Variants in ETFBKMT observed in about 807,000 individuals in gnomAD.
ETFBKMT encodes electron transfer flavoprotein subunit beta lysine methyltransferase.
Under a neutral mutation model 18.3 loss-of-function variants are expected in ETFBKMT, and 13 were observed. The observed-to-expected ratio is 0.71, with a 90% CI of 0.46 to 1.13. ETFBKMT has a LOEUF of 1.13. ETFBKMT is among the 50% of genes most tolerant of loss of function. The pLI, the probability that ETFBKMT is intolerant of heterozygous loss-of-function variation, is 0.00. For missense variants in ETFBKMT, 293 were observed against 306.2 expected (o/e 0.96, Z 0.32); for synonymous variants, 84 against 107.9 (o/e 0.78, Z 1.37).
Position 31,673,038 on chromosome 12 carries a change from G to C in ETFBKMT, c.*5048G>C, listed in dbSNP as rs374813780. 1 of 152,158 alleles carries C rather than the reference G, an allele frequency of 6.6e-6. No homozygotes were observed. Among genetic ancestry groups the C allele is most frequent in the Admixed American group, 6.5e-5 (1 of 15,268 alleles). 9.4% of individuals were successfully genotyped at this position (152,158 alleles called of 1,614,324 possible). A position where few individuals can be genotyped will look rare whatever the true frequency, so the allele number is the denominator to read the frequency against. On this transcript the variant is annotated 3_prime_UTR_variant, in exon 4 of 4. Transcript: ENST00000357721. ...TTTCAGTTTTTCACAATGTACAGTC[G>C]TGATTTTGATATGGTTTCCATCCTA... is the stretch of plus-strand genomic sequence containing the variant.
Position 31,661,840 on chromosome 12 carries a change from G to A in ETFBKMT, c.-113-1G>A. ...AGTATTACTTTTCTTTTTTTTTTCA[G>A]AGTCAGAGGTTCCGGTTGAGATCAA... On this transcript the variant is annotated splice_acceptor_variant, in intron 1 of 3. Transcript: ENST00000357721. LOFTEE classifies it low-confidence loss of function (5UTR_SPLICE). The A allele has an allele frequency of 1.1e-6, 1 of 873,034 alleles. No homozygotes were observed. The highest frequency in any genetic ancestry group is 1.7e-5 in the South Asian group (1 of 59,568). 54.1% of individuals were successfully genotyped at this position (873,034 alleles called of 1,614,324 possible).
chr12:31,655,973 A>G (rs921681448), upstream of ETFBKMT, among the ~76,000 whole-genome samples: 10 of 152,246 alleles, frequency 6.6e-5, no homozygotes, highest in Admixed American at 4.6e-4. Context: ...AGTCAAATAT[A>G]CCTCAATAAA....
At chr12:31,651,307 C>CTTTTTTTTTTTTTT (rs71062448) in intron 1 of ETFBKMT, among the ~76,000 whole-genome samples, 2 of 144,620 alleles carry the variant, frequency 1.4e-5, no homozygotes, top group African/African-American at 2.6e-5. Context: ...GATGCCTTCC[C>CTTTTTTTTTTTTTT]TTTTTTTTTT....
rs1402753330 is a variant in ETFBKMT at position 31,662,224 on chromosome 12, C to T, written c.271C>T (p.Pro91Ser). 4 of 1,614,230 alleles carry T rather than the reference C, an allele frequency of 2.5e-6. No homozygotes were observed. The highest frequency in any genetic ancestry group is 2.7e-5 in the African/African-American group (2 of 75,062). The change falls in exon 2 of 4, where the codon CCT becomes TCT. Residue 91 changes from proline (P) to serine (S), a missense_variant. By Grantham distance (74) the Pro-to-Ser change is moderately conservative. Transcript: ENST00000357721. ...ERADLWPHSD[P>S]YWAIYWPGGQ... is the part of the protein sequence containing the mutation. The stretch of plus-strand genomic sequence containing the variant: ...AGCTGACCTGTGGCCCCACAGTGAT[C>T]CTTACTGGGCAATCTACTGGCCAGG...
chr12:31,662,739 G>C (rs1565749806), intron 2 of ETFBKMT, among the ~76,000 whole-genome samples: 1 of 152,056 alleles, frequency 6.6e-6, no homozygotes. Flanking sequence ...CCTAGAGTCA[G>C]CTGTCAAGAC....
chr12:31,664,117 C>T (rs1276663594), intron 2 of ETFBKMT, among the ~76,000 whole-genome samples: 2 of 151,632 alleles, frequency 1.3e-5, no homozygotes, highest in Non-Finnish European at 2.9e-5. Flanking sequence ...CCCCTGACTT[C>T]CTCTGCCATT....
chr12:31,666,172 A>G lies in ETFBKMT; in HGVS notation c.400A>G (p.Lys134Glu), dbSNP rs746940834. ...ATGTGGAGCTACAGCTATTGCTGCT[A>G]AGATGAGTGGGGCATCAAGGATCTT... ...SGCGATAIAA[K>E]MSGASRILAN... Residue 134 changes from lysine (K) to glutamate (E), a missense_variant, in exon 3 of 4, where the codon AAG becomes GAG. Physicochemically the swap from Lys to Glu is moderately conservative, Grantham distance 56. Transcript: ENST00000357721. 3 of 1,614,166 alleles carry G rather than the reference A, an allele frequency of 1.9e-6. No homozygotes were observed. The highest frequency in any genetic ancestry group is 2.5e-6 in the Non-Finnish European group (3 of 1,180,006).
rs1286800225 is a variant in ETFBKMT at position 31,667,728 on chromosome 12, T to A, written c.527T>A (p.Leu176Ter). The A allele has an allele frequency of 7.4e-6, 12 of 1,614,174 alleles. No homozygotes were observed. The highest frequency in any genetic ancestry group is 9.3e-6 in the Non-Finnish European group (11 of 1,180,004). ...ATTTTAATCCAAAACATTTTGAATT[T>A]GGAACAAGATAAGTGGGACCTTGTT... ...FPILIQNILN[L>*]EQDKWDLVVL... is the part of the protein sequence containing the mutation. The change falls in exon 4 of 4, where the codon TTG becomes TAG. Residue 176 changes from leucine to a stop codon, truncating the protein, a stop_gained. Transcript: ENST00000357721. LOFTEE classifies it high-confidence loss of function.
At chr12:31,652,994 A>G (rs1482122533) in intron 1 of ETFBKMT, among the ~76,000 whole-genome samples, 1 of 152,230 alleles carries the variant, frequency 6.6e-6, no homozygotes, top group Non-Finnish European at 1.5e-5. Context: ...GGATTGCCTG[A>G]GCTCAGGAGT....
chr12:31,664,234 G>A (rs936418222), intron 2 of ETFBKMT, among the ~76,000 whole-genome samples: 2 of 151,700 alleles, frequency 1.3e-5, no homozygotes, highest in African/African-American at 4.8e-5. Context: ...CGCTTGTTTG[G>A]TAACTATTTA....
At position 31,661,981 on chromosome 12, in the gene ETFBKMT, C is replaced by T; in HGVS notation, c.28C>T (p.His10Tyr). 6.2e-7 allele frequency: 1 copy of T among 1,614,094 alleles called. No homozygotes were observed. The highest frequency in any genetic ancestry group is 2.2e-5 in the East Asian group (1 of 44,888). ...GGCTTTGAGTCTAGGTTGGAAAGCACACAGGAACCACTGTGGTCTCCTCTT... is the reference window on the plus strand; with the variant it reads ...GGCTTTGAGTCTAGGTTGGAAAGCATACAGGAACCACTGTGGTCTCCTCTT... MALSLGWKA[H>Y]RNHCGLLLQA... The change falls in exon 2 of 4, where the codon CAC (histidine) becomes TAC (tyrosine). Residue 10 changes from histidine to tyrosine, a missense_variant. By Grantham distance (83) the His-to-Tyr change is moderately conservative. Coordinates refer to ENST00000357721, the MANE Select transcript of ETFBKMT (RefSeq NM_001135863.2).
rs752036729 is a variant in ETFBKMT at position 31,666,092 on chromosome 12, T to C, written c.320T>C (p.Leu107Pro). 3.1e-6 allele frequency: 5 copies of C among 1,611,018 alleles called. No homozygotes were observed. In the East Asian group the frequency reaches 6.7e-5, roughly 22 times the overall value. The change falls in exon 3 of 4, where the codon CTT (leucine) becomes CCT (proline). Residue 107 changes from leucine to proline, a missense_variant. Coordinates refer to ENST00000357721, the MANE Select transcript of ETFBKMT (RefSeq NM_001135863.2). Reference sequence around the variant, plus strand: ...GTTTCTCCTTTTTAATTTAGGTATCTTTTGGATAATCCTGATGTTGTCAGA... The same window carrying C: ...GTTTCTCCTTTTTAATTTAGGTATCCTTTGGATAATCCTGATGTTGTCAGA... Reference protein sequence around the residue: ...WPGGQALSRYLLDNPDVVRGK... With the variant: ...WPGGQALSRYPLDNPDVVRGK...
At chr12:31,662,310 T>G in intron 2 of ETFBKMT, 43 bp downstream of exon 2, 1 of 1,576,764 alleles carries the variant, frequency 6.3e-7, no homozygotes, top group East Asian at 2.2e-5. Context: ...AGATCTTTGC[T>G]GTTTTCAGTT....
chr12:31,654,457 C>G (rs187670534), upstream of ETFBKMT, among the ~76,000 whole-genome samples: 417 of 152,268 alleles, frequency 2.7e-3, no homozygotes, highest in Non-Finnish European at 4.8e-3. Context: ...TAAGTCTGTA[C>G]AAAGACTTGT....
intron 1 of ETFBKMT, among the ~76,000 whole-genome samples, chr12:31,650,015 T>TA (rs1951002407): frequency 6.6e-6 from 1 of 151,746 alleles, no homozygotes; most frequent in Non-Finnish European, 1.5e-5. Flanking sequence ...CCTCCCAAAG[T>TA]GCTGGGATTA....
intron 3 of ETFBKMT, among the ~76,000 whole-genome samples, chr12:31,666,640 T>G (rs760110539): frequency 4.8e-5 from 7 of 145,790 alleles, no homozygotes; most frequent in Non-Finnish European, 9.2e-5. Flanking sequence ...TTGAAAACCT[T>G]TATTTTATTT....
chr12:31,657,482 C>A (rs757286188), upstream of ETFBKMT, among the ~76,000 whole-genome samples: 1 of 152,084 alleles, frequency 6.6e-6, no homozygotes, highest in Non-Finnish European at 1.5e-5. Flanking sequence ...AGAAAAAAAT[C>A]ATTTAAGCTG....
At chr12:31,655,619 A>G (rs1951055463), upstream of ETFBKMT, among the ~76,000 whole-genome samples, 1 of 152,072 alleles carries the variant, frequency 6.6e-6, no homozygotes. Flanking sequence ...TTTACTCCCT[A>G]TTTTCGAATG....
Position 31,672,370 on chromosome 12 carries a change from G to A in ETFBKMT, c.*4380G>A. 9 of 1,568,458 alleles carry A rather than the reference G, an allele frequency of 5.7e-6. No homozygotes were observed. The highest frequency in any genetic ancestry group is 7.8e-6 in the Non-Finnish European group (9 of 1,154,090). ...CTACTAATTGCTCCAACACTTCTCG[G>A]GAATGATCTATAAAAGAAAACAATG... On this transcript the variant is annotated 3_prime_UTR_variant, in exon 4 of 4. Transcript: ENST00000357721.
Sources: allele counts gnomAD v4.1 joint callset (sites outside exome capture counted in the v4.1 genomes callset), GRCh38; gene constraint gnomAD v4.1.1; transcripts MANE v1.5; gene names NCBI Gene and HGNC (gene_info 2026-07-23, HGNC 2026-07-21).